REV3L: variants seen among roughly 807,000 people sequenced by gnomAD.
The protein encoded by REV3L is DNA polymerase zeta catalytic subunit.
REV3L carries 69 observed loss-of-function variants against 299.4 expected under a neutral mutation model. The ratio of observed to expected loss-of-function variants is 0.23; its 90% confidence interval spans 0.19 to 0.28. REV3L has a LOEUF of 0.28. Among genes scored for constraint, REV3L ranks in the 10% least tolerant of loss-of-function variants. The pLI, the probability that REV3L is intolerant of heterozygous loss-of-function variation, is 1.00. For synonymous variants in REV3L, 1,238 were observed against 1,271.4 expected, an observed-to-expected ratio of 0.97 and a Z score of 0.56; for missense variants, 3,128 against 3,693.8, an observed-to-expected ratio of 0.85 and a Z score of 3.97.
rs1363369995 is a variant in REV3L, at chr6:111,376,705, T to G, written c.1650A>C (p.Thr550=). 6.2e-7 allele frequency: 1 copy of G among 1,604,768 alleles called. No individual in the cohort carries two copies. Residue 550 remains threonine (T), a synonymous_variant, in exon 13 of 32, where the codon ACA becomes ACC. Transcript: ENST00000368802. ...NSRTHSSVIA[T]SKLSVKPSIF... is the part of the protein sequence containing the mutation. ...TGGAGGGTTTAACTGAAAGCTTGCT[T>G]GTTGCAATTACAGAAGAGTGGGTTC... is the stretch of plus-strand genomic sequence containing the variant.
At chr6:111,370,412 G>A (rs1779685929) in intron 13 of REV3L, among the ~76,000 whole-genome samples, 1 of 152,090 alleles carries the variant, frequency 6.6e-6, no homozygotes, top group East Asian at 1.9e-4. Context: ...GGGGCTGGGA[G>A]GTGGACATTT....
At chr6:111,339,561 A>G (rs559611975) in intron 21 of REV3L, among the ~76,000 whole-genome samples, 1 of 152,238 alleles carries the variant, frequency 6.6e-6, no homozygotes, top group South Asian at 2.1e-4. Context: ...CAAGTAATAT[A>G]AACAAATTAG....
chr6:111,430,729 T>C (rs967010389), intron 1 of REV3L: 79 of 1,553,520 alleles, frequency 5.1e-5, no homozygotes, highest in Middle Eastern at 2.2e-4. Flanking sequence ...AAGACATGCT[T>C]GAAGATAAGT....
chr6:111,473,399 G>A (rs1418964112), intron 1 of REV3L, among the ~76,000 whole-genome samples: 1 of 151,848 alleles, frequency 6.6e-6, no homozygotes, highest in Non-Finnish European at 1.5e-5. Flanking sequence ...AGCAAGATGA[G>A]AGAAAATGTA....
chr6:111,457,530 G>A (rs1165798753), intron 1 of REV3L, among the ~76,000 whole-genome samples: 1 of 151,624 alleles, frequency 6.6e-6, no homozygotes, highest in Non-Finnish European at 1.5e-5. Context: ...TCTCAAATAT[G>A]CCAAGAAGCC....
At chr6:111,431,195 T>G in intron 1 of REV3L, 1 of 1,566,350 alleles carries the variant, frequency 6.4e-7, no homozygotes, top group Admixed American at 1.7e-5. Flanking sequence ...TATCCATCTG[T>G]GATGGCAGAT....
In REV3L at chr6:111,390,145, G is replaced by A. The variant is rs1781766938; in HGVS notation, c.698C>T (p.Thr233Ile). ...TACAGCATCCACTTCTAATTCACAT[G>A]TACTCTGTGGTTCAACACCTTCCAA... ...LILEGVEPQSTCELEVDAVAA... is the reference protein window; with the variant it reads ...LILEGVEPQSICELEVDAVAA... Residue 233 changes from threonine to isoleucine, a missense_variant, in exon 6 of 32, where the codon ACA (threonine) becomes ATA (isoleucine). By Grantham distance (89) the Thr-to-Ile change is moderately conservative. Around this residue, in one of 9 missense-constraint regions of REV3L, gnomAD observed 2,409 missense variants for 2,611.8 expected, o/e 0.92. Coordinates refer to ENST00000368802, the MANE Select transcript of REV3L (RefSeq NM_001372078.1). 6.2e-7 allele frequency: 1 copy of A among 1,609,554 alleles called. No individual in the cohort carries two copies. The highest frequency in any genetic ancestry group is 2.2e-5 in the East Asian group (1 of 44,794).
At chr6:111,308,358 C>T in intron 30 of REV3L, 1 of 429,962 alleles carries the variant, frequency 2.3e-6, no homozygotes, top group Non-Finnish European at 4.7e-6. Flanking sequence ...GCCTTAGAGC[C>T]AGGATATGTG....
chr6:111,372,460 T>A, intron 13 of REV3L, 136 bp downstream of exon 13: 1 of 589,082 alleles, frequency 1.7e-6, no homozygotes, highest in Non-Finnish European at 2.6e-6. Flanking sequence ...ATGATATACT[T>A]ACAAATACGG....
intron 1 of REV3L, among the ~76,000 whole-genome samples, chr6:111,449,969 G>C (rs1789305475): frequency 6.6e-6 from 1 of 152,132 alleles, no homozygotes. Flanking sequence ...TGTTCAAGAA[G>C]TAGAAGAATG....
At chr6:111,409,151 T>C (rs1783969775) in intron 3 of REV3L, among the ~76,000 whole-genome samples, 1 of 152,232 alleles carries the variant, frequency 6.6e-6, no homozygotes, top group Non-Finnish European at 1.5e-5. Flanking sequence ...CAGCTTCTGT[T>C]CAATCTGTTG....
chr6:111,348,617 G>A (rs1190729532), intron 20 of REV3L, among the ~76,000 whole-genome samples: 1 of 152,108 alleles, frequency 6.6e-6, no homozygotes, highest in Admixed American at 6.5e-5. Flanking sequence ...AAAAAATACG[G>A]TGAAATTAGA....
chr6:111,381,583 A>T, intron 9 of REV3L, 139 bp from the exon 10 acceptor site: 1 of 668,546 alleles, frequency 1.5e-6, no homozygotes. Context: ...ATGCCAAATA[A>T]AAACATAATA....
chr6:111,466,575 G>A (rs551701026), intron 1 of REV3L, among the ~76,000 whole-genome samples: 3 of 152,332 alleles, frequency 2.0e-5, no homozygotes, highest in African/African-American at 7.2e-5. Flanking sequence ...GGTGGCTCAT[G>A]CCTGTAATCT....
intron 23 of REV3L, 84 bp downstream of exon 23, chr6:111,333,039 G>C: frequency 6.6e-7 from 1 of 1,509,326 alleles, no homozygotes; most frequent in Non-Finnish European, 9.0e-7. Context: ...GGTGTCCAGA[G>C]CAAAGAGACA....
In REV3L at chr6:111,367,257, T is replaced by C. The variant is rs1456636969; in HGVS notation, c.6531A>G (p.Gln2177=). ...GIQKSPCSEP[Q]EPLVISPINT... is the part of the protein sequence containing the mutation. ...TAATTGGAGATATCACTAGAGGCTC[T>C]TGAGGCTCACTGCAGGGGCTTTTTT... The change falls in exon 14 of 32, where the codon CAA becomes CAG. Residue 2177 remains glutamine, a synonymous_variant. Coordinates refer to ENST00000368802, the MANE Select transcript of REV3L (RefSeq NM_001372078.1). The C allele has an allele frequency of 2.5e-6, 4 of 1,614,016 alleles. No homozygotes were observed. The highest frequency in any genetic ancestry group is 1.1e-5 in the South Asian group (1 of 91,048).
At chr6:111,330,225 C>A in intron 24 of REV3L, 1 of 440,430 alleles carries the variant, frequency 2.3e-6, no homozygotes. Context: ...TGCTGACATT[C>A]AAACCTGCAG....
chr6:111,457,615 A>C (rs2128322349), intron 1 of REV3L, among the ~76,000 whole-genome samples: 1 of 152,062 alleles, frequency 6.6e-6, no homozygotes, highest in East Asian at 1.9e-4. Flanking sequence ...CATTATCATC[A>C]AGGTAATCTC....
At chr6:111,391,318 G>A (rs940169587) in intron 5 of REV3L, among the ~76,000 whole-genome samples, 11 of 151,962 alleles carry the variant, frequency 7.2e-5, no homozygotes, top group African/African-American at 2.4e-4. Flanking sequence ...TGCCTACCTC[G>A]GCCTCCCAAA....
Sources: gnomAD v4.1 joint callset for allele counts (sites outside exome capture counted in the v4.1 genomes callset) on GRCh38, gnomAD v4.1.1 for gene constraint, gnomAD v4.1.1 regional missense constraint, MANE v1.5 for transcripts, NCBI Gene and HGNC (gene_info 2026-07-23, HGNC 2026-07-21) for gene names.